The following NTRK3 variants were observed in gnomAD, a reference collection of about 807,000 sequenced individuals.
NTRK3 encodes neurotrophic receptor tyrosine kinase 3.
In NTRK3, 24 loss-of-function variants were observed where a neutral mutation model predicts 91.7. The ratio of observed to expected loss-of-function variants is 0.26; its 90% CI spans 0.19 to 0.37. The LOEUF (loss-of-function observed/expected upper bound fraction) is 0.37. Ranked by LOEUF, NTRK3 falls within the 10% of genes least tolerant of loss-of-function variation. The probability of loss-of-function intolerance (pLI) is 1.00; values close to 1 mark genes in which losing one functional copy is unlikely to be tolerated. For synonymous variants in NTRK3, 483 were observed against 404.0 expected (o/e 1.20, Z -2.34); for missense variants, 880 against 1,068.9 (o/e 0.82, Z 2.46).
chr15:88,020,804 C>T (rs951480434), intron 14 of NTRK3, among the ~76,000 whole-genome samples: 84 of 152,278 alleles, frequency 5.5e-4, no homozygotes, highest in African/African-American at 1.9e-3. Flanking sequence ...GAAAAAGGAT[C>T]CTCTGTAACC....
At chr15:88,223,317 G>T (rs114113284) in intron 3 of NTRK3, among the ~76,000 whole-genome samples, 1 of 152,238 alleles carries the variant, frequency 6.6e-6, no homozygotes, top group South Asian at 2.1e-4. Flanking sequence ...TGGAGGAGGG[G>T]GCTGGCCGCT....
exon 19 of NTRK3, chr15:87,865,661 A>T (rs1265212403): frequency 4.5e-6 from 1 of 220,094 alleles, no homozygotes; most frequent in Admixed American, 5.8e-5. Flanking sequence ...CTATTTTTAC[A>T]AAGCATTATG....
chr15:88,157,996 G>A (rs940808126), intron 5 of NTRK3, among the ~76,000 whole-genome samples: 5 of 152,200 alleles, frequency 3.3e-5, no homozygotes, highest in African/African-American at 1.2e-4. Context: ...GTAAGGTCAT[G>A]GCCTTTGGCA....
At chr15:87,872,640 A>T (rs1182300295) in exon 19 of NTRK3, 1 of 232,222 alleles carries the variant, frequency 4.3e-6, no homozygotes, top group African/African-American at 2.2e-5. Flanking sequence ...ACCTCCTGTG[A>T]AGAGCATAAA....
chr15:88,146,528 T>C (rs2042904295), intron 6 of NTRK3, among the ~76,000 whole-genome samples: 1 of 152,192 alleles, frequency 6.6e-6, no homozygotes. Flanking sequence ...CAACATAATA[T>C]GATGTCCTTC....
Position 87,978,937 on chromosome 15 carries a change from T to G in NTRK3, c.1586-38184A>C. The G allele has an allele frequency of 8.9e-6, 3 of 337,440 alleles. 1 individual carries two copies. The South Asian group carries it at 1.4e-4, about 16-fold the overall frequency. The allele number at this position is 337,440 out of a possible 1,614,324, so 20.9% of individuals were successfully genotyped here. A position where few individuals can be genotyped will look rare whatever the true frequency, so the allele number is the denominator to read the frequency against. ...TGGGAGAGCCAGGGAGACCCCACGC[T>G]TCCAAGCAGGGAAAGTGAGGCTGGA... On this transcript the variant is annotated intron_variant, in intron 14 of 18. Coordinates refer to ENST00000394480, the Ensembl canonical transcript of NTRK3.
intron 3 of NTRK3, among the ~76,000 whole-genome samples, chr15:88,236,782 A>C (rs1174670890): frequency 2.1e-4 from 31 of 150,572 alleles, no homozygotes; most frequent in Non-Finnish European, 4.0e-4. Context: ...AAAAAAAAAA[A>C]AAAAAAACAC....
chr15:88,033,215 T>TATATATATATATATATATAA, intron 13 of NTRK3, among the ~76,000 whole-genome samples, 170 bp from the exon 14 acceptor site: 1 of 126,742 alleles, frequency 7.9e-6, no homozygotes, highest in South Asian at 2.7e-4. Flanking sequence ...TATATATATA[T>TATATATATATATATATATAA]AAATTCAGTT....
chr15:88,008,234 C>A (rs1438893559), intron 14 of NTRK3, among the ~76,000 whole-genome samples: 3 of 152,098 alleles, frequency 2.0e-5, no homozygotes, highest in African/African-American at 7.2e-5. Context: ...TCCATGTGTT[C>A]AATGTTAGCT....
chr15:87,879,269 G>A (rs2065109757), intron 18 of NTRK3, among the ~76,000 whole-genome samples: 1 of 152,160 alleles, frequency 6.6e-6, no homozygotes, highest in African/African-American at 2.4e-5. Context: ...AGGGTCTTGT[G>A]TTTACATTTT....
chr15:88,096,553 A>G (rs751673180), intron 13 of NTRK3, among the ~76,000 whole-genome samples: 5 of 152,200 alleles, frequency 3.3e-5, no homozygotes, highest in Admixed American at 1.3e-4. Flanking sequence ...AAGAGCCTGC[A>G]TCCTTTTTCT....
intron 3 of NTRK3, among the ~76,000 whole-genome samples, chr15:88,214,142 T>C (rs1388327046): frequency 6.6e-6 from 1 of 152,040 alleles, no homozygotes; most frequent in Non-Finnish European, 1.5e-5. Context: ...TTAGCCACTG[T>C]AGAGTTTCCC....
chr15:88,153,194 C>T (rs925754938), intron 5 of NTRK3, among the ~76,000 whole-genome samples: 4 of 152,210 alleles, frequency 2.6e-5, no homozygotes, highest in African/African-American at 4.8e-5. Flanking sequence ...TTCCCTCTTT[C>T]TTAAGATCTA....
intron 17 of NTRK3, among the ~76,000 whole-genome samples, chr15:87,885,159 T>C (rs2065467868): frequency 6.6e-6 from 1 of 151,924 alleles, no homozygotes; most frequent in Non-Finnish European, 1.5e-5. Context: ...AGATTATTTG[T>C]ACAATAACAA....
At position 87,941,264 on chromosome 15, in the gene NTRK3, G is replaced by A. The variant is rs143963192; in HGVS notation, c.1586-511C>T. ...AATCAGGTTGGAATCCTGGGTCCAC[G>A]CCATTACTAGTTTTTTGAGCTTGGG... On this transcript the variant is annotated intron_variant, in intron 14 of 18. Transcript: ENST00000394480. 1.5e-3 allele frequency among the ~76,000 whole-genome samples: 223 copies of A among 152,198 alleles called. 1 individual carries two copies. Among genetic ancestry groups the A allele is most frequent in the African/African-American group, 4.6e-3 (190 of 41,524 alleles).
rs774576990 is a variant in NTRK3, at chr15:88,241,638, G to A, written c.248+14268C>T. Reference sequence around the variant, plus strand: ...TTGGGCAGAATGCCAGCTGGGTGCTGGGAGCAGGAAGCGGGGCTACCCTTC... The same window carrying A: ...TTGGGCAGAATGCCAGCTGGGTGCTAGGAGCAGGAAGCGGGGCTACCCTTC... On this transcript the variant is annotated intron_variant, in intron 3 of 18. Transcript: ENST00000394480. The surrounding 1 kb of genome is among the most constrained non-coding windows in gnomAD (Gnocchi z 4.3). Among the ~76,000 whole-genome samples, 3 of 152,134 alleles carry A rather than the reference G, an allele frequency of 2.0e-5. No individual in the cohort carries two copies. Among genetic ancestry groups the A allele is most frequent in the Non-Finnish European group, 4.4e-5 (3 of 68,012 alleles).
chr15:87,894,064 T>A (rs2065981014), intron 17 of NTRK3, among the ~76,000 whole-genome samples: 1 of 152,278 alleles, frequency 6.6e-6, no homozygotes, highest in South Asian at 2.1e-4. Flanking sequence ...TATTAAAATT[T>A]AATCTTTCTT....
intron 3 of NTRK3, among the ~76,000 whole-genome samples, chr15:88,246,049 CAAGA>C (rs2052784998): frequency 6.6e-6 from 1 of 152,188 alleles, no homozygotes; most frequent in Non-Finnish European, 1.5e-5. Context: ...AGCAGACCCT[CAAGA>C]AAGAGTCACA....
intron 13 of NTRK3, among the ~76,000 whole-genome samples, chr15:88,103,199 G>C (rs547693137): frequency 1.3e-5 from 2 of 152,254 alleles, no homozygotes; most frequent in South Asian, 2.1e-4. Flanking sequence ...TTATACATGT[G>C]ATTAGTACCC....
Sources: allele counts gnomAD v4.1 joint callset (sites outside exome capture counted in the v4.1 genomes callset), GRCh38; gene constraint gnomAD v4.1.1; non-coding constraint Gnocchi (gnomAD v3.1); transcripts MANE v1.5; gene names NCBI Gene and HGNC (gene_info 2026-07-23, HGNC 2026-07-21).